The following DMD variants were observed in gnomAD, a reference collection of about 807,000 sequenced individuals.
The protein encoded by DMD is mutant dystrophin.
In DMD, 63 loss-of-function variants were observed where a neutral mutation model predicts 330.1. The observed-to-expected ratio is 0.19, with a 90% confidence interval of 0.16 to 0.24. DMD has a LOEUF of 0.24. Among genes scored for constraint, DMD ranks in the 10% least tolerant of loss-of-function variants. The probability of loss-of-function intolerance (pLI) is 1.00; values close to 1 mark genes in which losing one functional copy is unlikely to be tolerated. For synonymous variants in DMD, 1,223 were observed against 959.8 expected (o/e 1.27, Z -5.07); for missense variants, 3,344 against 2,684.1 (o/e 1.25, Z -5.43).
intron 4 of DMD, among the ~76,000 whole-genome samples, chrX:32,835,363 A>T (rs1314410502): frequency 8.9e-6 from 1 of 112,533 alleles, no homozygotes; most frequent in South Asian, 3.6e-4. Context: ...GCTGATGTAG[A>T]GACAAGAATA....
At chrX:31,348,258 C>T in intron 61 of DMD, 2 of 320,336 alleles carry the variant, frequency 6.2e-6, no homozygotes, top group Non-Finnish European at 1.1e-5. Context: ...GGCTCCTGAG[C>T]AAAGTGTTCC....
At chrX:33,183,297 A>C (rs895976675) in intron 1 of DMD, among the ~76,000 whole-genome samples, 9 of 111,419 alleles carry the variant, frequency 8.1e-5, no homozygotes, top group African/African-American at 2.9e-4. Context: ...AAAAGGAGAA[A>C]ATTTTTCTAA....
rs979744821 is a variant in DMD, at chrX:33,152,502, A to T, written c.31+58780T>A. On this transcript the variant is annotated intron_variant, in intron 1 of 78. Transcript: ENST00000357033. ...TTTCCTATTTTTCTAATGAGAAAAT[A>T]GTAGCTTGTTGAGAGCCACACACGG... Among the ~76,000 whole-genome samples, 8 of 110,299 alleles carry T rather than the reference A, an allele frequency of 7.3e-5. 1 individual carries two copies. The highest frequency in any genetic ancestry group is 2.6e-4 in the African/African-American group (8 of 30,438).
intron 7 of DMD, among the ~76,000 whole-genome samples, chrX:32,712,897 T>A (rs752975318): frequency 8.9e-6 from 1 of 111,747 alleles, no homozygotes; most frequent in Non-Finnish European, 1.9e-5. Context: ...ATTTAAATGT[T>A]TATTCACATT....
chrX:31,214,600 G>A (rs2045134555), intron 64 of DMD, among the ~76,000 whole-genome samples: 1 of 112,237 alleles, frequency 8.9e-6, no homozygotes, highest in Non-Finnish European at 1.9e-5. Context: ...TAAAGTGTCA[G>A]TTGTTTAGCC....
At chrX:32,764,551 C>T (rs186531315) in intron 7 of DMD, among the ~76,000 whole-genome samples, 2 of 111,149 alleles carry the variant, frequency 1.8e-5, no homozygotes, top group Admixed American at 1.9e-4. Context: ...CATATGTTAT[C>T]CTTTTGTATC....
chrX:32,866,734 T>TGGGGGGGGGGGGG (rs757998939), intron 2 of DMD, among the ~76,000 whole-genome samples: 2 of 6,107 alleles, frequency 3.3e-4, no homozygotes, highest in Admixed American at 2.1e-3. Context: ...TGGGGGGGGG[T>TGGGGGGGGGGGGG]GGGGGGGTGG....
intron 7 of DMD, among the ~76,000 whole-genome samples, chrX:32,727,992 T>G (rs774131019): frequency 7.5e-4 from 84 of 111,766 alleles, no homozygotes; most frequent in Non-Finnish European, 1.4e-3. Context: ...GTGTGTAAAT[T>G]ACATGCATTT....
At chrX:32,311,781 T>C (rs1481643101) in intron 41 of DMD, among the ~76,000 whole-genome samples, 2 of 111,845 alleles carry the variant, frequency 1.8e-5, no homozygotes, top group Admixed American at 9.5e-5. Flanking sequence ...TTTTACACAT[T>C]TAAAAGAAAA....
At chrX:31,881,070 T>A (rs1481853813) in intron 47 of DMD, among the ~76,000 whole-genome samples, 1 of 111,340 alleles carries the variant, frequency 9.0e-6, no homozygotes, top group Admixed American at 9.6e-5. Flanking sequence ...TTTTACTTTT[T>A]AACAGAAAAG....
intron 1 of DMD, among the ~76,000 whole-genome samples, chrX:33,223,993 A>G (rs78819203): frequency 0.012 from 1,337 of 112,425 alleles, 8 homozygotes; most frequent in Non-Finnish European, 0.018. Context: ...GCTTCACATC[A>G]TATGTCATCA....
chrX:32,161,483 TA>T (rs1314059483), intron 44 of DMD, among the ~76,000 whole-genome samples: 1 of 111,888 alleles, frequency 8.9e-6, no homozygotes, highest in Non-Finnish European at 1.9e-5. Flanking sequence ...TTTGTTCTTT[TA>T]TTTACATAAT....
chrX:31,764,039 C>T (rs1026507975), intron 51 of DMD, among the ~76,000 whole-genome samples: 4 of 110,499 alleles, frequency 3.6e-5, no homozygotes, highest in African/African-American at 1.3e-4. Flanking sequence ...TCACAGCCAG[C>T]TAACTTTTTA....
At chrX:31,490,608 C>T (rs2146994713) in intron 57 of DMD, among the ~76,000 whole-genome samples, 1 of 112,004 alleles carries the variant, frequency 8.9e-6, no homozygotes, top group African/African-American at 3.2e-5. Context: ...GAATGAATCA[C>T]TCTATCGCAA....
chrX:32,512,757 T>C (rs2045466776), intron 18 of DMD, among the ~76,000 whole-genome samples: 1 of 112,291 alleles, frequency 8.9e-6, no homozygotes. Flanking sequence ...ATTTACACGC[T>C]GCAACGAGAG....
At chrX:31,622,059 G>T (rs1440096562) in intron 55 of DMD, among the ~76,000 whole-genome samples, 1 of 111,450 alleles carries the variant, frequency 9.0e-6, no homozygotes, top group Admixed American at 9.5e-5. Flanking sequence ...CATAAGCAAG[G>T]TTAAAATCCA....
intron 24 of DMD, among the ~76,000 whole-genome samples, chrX:32,463,846 AAATTT>A (rs1440872865): frequency 8.9e-6 from 1 of 112,075 alleles, no homozygotes; most frequent in African/African-American, 3.2e-5. Context: ...AAAAGGAAAT[AAATTT>A]AATATTTCTG....
At chrX:32,581,198 A>G (rs1351915325) in intron 13 of DMD, among the ~76,000 whole-genome samples, 1 of 112,445 alleles carries the variant, frequency 8.9e-6, no homozygotes, top group Non-Finnish European at 1.9e-5. Context: ...CCAACTCTTG[A>G]CATCACAACT....
intron 44 of DMD, among the ~76,000 whole-genome samples, chrX:32,048,646 T>C (rs1019470644): frequency 9.0e-6 from 1 of 110,656 alleles, no homozygotes; most frequent in Admixed American, 9.7e-5. Context: ...ATCTGATATT[T>C]TATCATATTT....
Sources: allele counts gnomAD v4.1 joint callset (sites outside exome capture counted in the v4.1 genomes callset), GRCh38; gene constraint gnomAD v4.1.1; transcripts MANE v1.5; gene names NCBI Gene and HGNC (gene_info 2026-07-23, HGNC 2026-07-21).